The following IRF2 variants were observed in gnomAD, a reference collection of about 807,000 sequenced individuals.
IRF2 encodes interferon regulatory factor 2.
A neutral mutation model predicts 40.6 loss-of-function variants in IRF2; 15 were observed. The observed-to-expected ratio is 0.37, with a 90% CI of 0.25 to 0.57. The LOEUF (loss-of-function observed/expected upper bound fraction) is 0.57. Among genes scored for constraint, IRF2 ranks in the 20% least tolerant of loss-of-function variants. IRF2 has a pLI of 0.77. For missense variants in IRF2, 317 were observed against 455.7 expected (o/e 0.70, Z 2.77); for synonymous variants, 151 against 165.5 (o/e 0.91, Z 0.67).
chr4:184,455,030 T>C (rs151136754), intron 1 of IRF2, among the ~76,000 whole-genome samples: 1 of 152,174 alleles, frequency 6.6e-6, no homozygotes, highest in Non-Finnish European at 1.5e-5. Context: ...AAGCATATTC[T>C]CCACCCTGCA....
chr4:184,399,994 G>T (rs1296185673), intron 6 of IRF2, among the ~76,000 whole-genome samples: 1 of 152,148 alleles, frequency 6.6e-6, no homozygotes, highest in Admixed American at 6.5e-5. Context: ...ATCGCAACCA[G>T]AGTATTGACA....
intron 2 of IRF2, among the ~76,000 whole-genome samples, chr4:184,427,947 G>A (rs1256215866): frequency 6.6e-6 from 1 of 152,172 alleles, no homozygotes; most frequent in African/African-American, 2.4e-5. Context: ...GAACTGTTCT[G>A]GTAGGAGAGG....
chr4:184,453,684 G>A (rs761220986), intron 1 of IRF2, among the ~76,000 whole-genome samples: 1 of 152,206 alleles, frequency 6.6e-6, no homozygotes, highest in Non-Finnish European at 1.5e-5. Context: ...TCAATAAGAG[G>A]AGGCACGTGG....
At chr4:184,392,308 C>T (rs1167723839) in intron 7 of IRF2, among the ~76,000 whole-genome samples, 3 of 152,190 alleles carry the variant, frequency 2.0e-5, no homozygotes, top group Non-Finnish European at 2.9e-5. Flanking sequence ...AGTTCCAATG[C>T]TGAATTTAAT....
intron 7 of IRF2, among the ~76,000 whole-genome samples, chr4:184,395,178 G>A (rs1421101018): frequency 2.6e-5 from 4 of 152,014 alleles, no homozygotes; most frequent in South Asian, 2.1e-4. Context: ...TTGGGAGGCC[G>A]AAGCGGGTGG....
chr4:184,404,829 C>G (rs1736792528), intron 6 of IRF2, among the ~76,000 whole-genome samples: 1 of 152,168 alleles, frequency 6.6e-6, no homozygotes, highest in African/African-American at 2.4e-5. Flanking sequence ...TACACCTCAC[C>G]AGGGTGACAG....
chr4:184,434,879 G>A (rs1336194364), intron 1 of IRF2, among the ~76,000 whole-genome samples: 1 of 152,142 alleles, frequency 6.6e-6, no homozygotes, highest in African/African-American at 2.4e-5. Flanking sequence ...ACTATGTGCT[G>A]GGCATTAAAA....
At chr4:184,457,897 C>T (rs1739003241) in intron 1 of IRF2, among the ~76,000 whole-genome samples, 1 of 152,170 alleles carries the variant, frequency 6.6e-6, no homozygotes, top group African/African-American at 2.4e-5. Flanking sequence ...AAAACCCTTC[C>T]TTACTGGGAA....
intron 2 of IRF2, among the ~76,000 whole-genome samples, chr4:184,426,172 C>T (rs1324037912): frequency 6.6e-6 from 1 of 152,166 alleles, no homozygotes; most frequent in Non-Finnish European, 1.5e-5. Flanking sequence ...CCTGCCACCA[C>T]ACCCAGCTAA....
intron 1 of IRF2, among the ~76,000 whole-genome samples, chr4:184,463,800 A>T (rs1321814219): frequency 1.1e-4 from 16 of 152,180 alleles, no homozygotes; most frequent in Non-Finnish European, 2.2e-4. Flanking sequence ...TCAGATAAAA[A>T]TTGGAGATTT....
intron 6 of IRF2, among the ~76,000 whole-genome samples, chr4:184,406,195 C>G (rs1736848035): frequency 6.6e-6 from 1 of 151,840 alleles, no homozygotes; most frequent in Non-Finnish European, 1.5e-5. Context: ...AGAGGTGGTG[C>G]CTTCCATCTA....
chr4:184,467,837 T>C (rs962262711), intron 1 of IRF2, among the ~76,000 whole-genome samples: 2 of 152,244 alleles, frequency 1.3e-5, no homozygotes, highest in African/African-American at 2.4e-5. Context: ...AAATTATTTA[T>C]GAAAATCACA....
At chr4:184,438,134 C>T (rs908390801) in intron 1 of IRF2, among the ~76,000 whole-genome samples, 2 of 152,168 alleles carry the variant, frequency 1.3e-5, no homozygotes, top group Non-Finnish European at 2.9e-5. Flanking sequence ...CGTTATTTCA[C>T]TTAATCTTCC....
At chr4:184,467,262 T>A (rs1232030731) in intron 1 of IRF2, among the ~76,000 whole-genome samples, 1 of 152,222 alleles carries the variant, frequency 6.6e-6, no homozygotes, top group Non-Finnish European at 1.5e-5. Context: ...ACTCTTTCAG[T>A]GACATTTATG....
At chr4:184,460,952 G>A (rs1217579329) in intron 1 of IRF2, among the ~76,000 whole-genome samples, 1 of 152,158 alleles carries the variant, frequency 6.6e-6, no homozygotes, top group African/African-American at 2.4e-5. Context: ...TAACTCTAGA[G>A]CACTAATGGG....
chr4:184,399,065 G>C lies in IRF2; in HGVS notation c.544C>G (p.His182Asp). The C allele has an allele frequency of 6.2e-7, 1 of 1,605,046 alleles. No individual in the cohort carries two copies. Among genetic ancestry groups the C allele is most frequent in the East Asian group, 2.2e-5 (1 of 44,590 alleles). ...TGATTCTCAATGTTGCTGTCCAGATGGGACTGTCCTACAACTTCAAAGAAA... is the reference window on the plus strand; with the variant it reads ...TGATTCTCAATGTTGCTGTCCAGATCGGACTGTCCTACAACTTCAAAGAAA... ...TVNIIVVGQSHLDSNIENQEI... is the reference protein window; with the variant it reads ...TVNIIVVGQSDLDSNIENQEI... Residue 182 changes from histidine (H) to aspartate (D), a missense_variant, in exon 7 of 9, where the codon CAT becomes GAT. His to Asp is a moderately conservative substitution (Grantham distance 81, BLOSUM62 -1). This residue lies in a region of IRF2 where 262 missense variants were observed against 334.0 expected (regional missense o/e 0.78). Coordinates refer to ENST00000393593, the MANE Select transcript of IRF2 (RefSeq NM_002199.4).
chr4:184,427,854 G>A (rs1737726172), intron 2 of IRF2, among the ~76,000 whole-genome samples: 1 of 152,092 alleles, frequency 6.6e-6, no homozygotes, highest in South Asian at 2.1e-4. Context: ...GATAAAGCCT[G>A]GCCAGCTAAA....
chr4:184,449,436 A>G (rs75792314), intron 1 of IRF2, among the ~76,000 whole-genome samples: 4,354 of 152,362 alleles, frequency 0.029, 211 homozygotes, highest in African/African-American at 0.099. Context: ...ACCAAAGTCA[A>G]TTCTGTTTTG....
intron 2 of IRF2, 132 bp from the exon 3 acceptor site, chr4:184,419,700 G>C: frequency 1.6e-6 from 1 of 644,308 alleles, no homozygotes; most frequent in Non-Finnish European, 2.7e-6. Flanking sequence ...CTGCTGACAA[G>C]AAAATCTACT....
Sources: gnomAD v4.1 joint callset for allele counts (sites outside exome capture counted in the v4.1 genomes callset) on GRCh38, gnomAD v4.1.1 for gene constraint, gnomAD v4.1.1 regional missense constraint, MANE v1.5 for transcripts, NCBI Gene and HGNC (gene_info 2026-07-23, HGNC 2026-07-21) for gene names.